PLCG2: variants seen among roughly 807,000 people sequenced by gnomAD.
PLCG2 encodes the protein phospholipase C gamma 2.
PLCG2 carries 69 observed loss-of-function variants against 175.6 expected under a neutral mutation model. The observed-to-expected ratio is 0.39, with a 90% CI of 0.32 to 0.48. The LOEUF is 0.48. Ranked by LOEUF, PLCG2 falls within the 20% of genes least tolerant of loss-of-function variation. The pLI is 0.91. For missense variants in PLCG2, 1,798 were observed against 1,650.9 expected (o/e 1.09, Z -1.54); for synonymous variants, 827 against 624.0 (o/e 1.33, Z -4.85).
intron 1 of PLCG2, among the ~76,000 whole-genome samples, chr16:81,744,646 C>A (rs1049697141): frequency 1.3e-5 from 2 of 152,100 alleles, no homozygotes; most frequent in African/African-American, 4.8e-5. Context: ...GACCATGGCT[C>A]TCTGCAGCCT....
chr16:81,855,312 C>A (rs1350831433), intron 3 of PLCG2, among the ~76,000 whole-genome samples: 1 of 152,132 alleles, frequency 6.6e-6, no homozygotes, highest in Non-Finnish European at 1.5e-5. Context: ...TGCACACACA[C>A]ATGCACTTTC....
At chr16:81,860,446 C>G (rs1906925177) in intron 5 of PLCG2, among the ~76,000 whole-genome samples, 1 of 151,930 alleles carries the variant, frequency 6.6e-6, no homozygotes, top group Admixed American at 6.6e-5. Flanking sequence ...GTTTGCTGGT[C>G]TAATAGTTTG....
chr16:81,869,015 G>T (rs1277787944), intron 5 of PLCG2, among the ~76,000 whole-genome samples, 199 bp from the exon 6 acceptor site: 2 of 152,262 alleles, frequency 1.3e-5, no homozygotes, highest in Non-Finnish European at 2.9e-5. Context: ...CCATGTCCAT[G>T]GACATTGCTT....
chr16:81,783,101 A>C (rs1156287159), intron 1 of PLCG2: 1 of 480,530 alleles, frequency 2.1e-6, no homozygotes, highest in South Asian at 1.5e-5. Flanking sequence ...AGAACTGAGG[A>C]GCCTGGTCCC....
chr16:81,928,628 C>A lies in PLCG2; in HGVS notation c.2581+4C>A, dbSNP rs374905431. ...GACCTCAATACCTATAACGTCGGTACGTGCACACATCATCTTAGCCTGGAT... is the reference window on the plus strand; with the variant it reads ...GACCTCAATACCTATAACGTCGGTAAGTGCACACATCATCTTAGCCTGGAT... On this transcript the variant is annotated splice_donor_region_variant and intron_variant, in intron 24 of 32. Coordinates refer to ENST00000564138, the MANE Select transcript of PLCG2 (RefSeq NM_002661.5). 1.3e-6 allele frequency: 2 copies of A among 1,584,412 alleles called. No individual in the cohort carries two copies. Among genetic ancestry groups the A allele is most frequent in the Non-Finnish European group, 1.7e-6 (2 of 1,152,950 alleles).
intron 2 of PLCG2, among the ~76,000 whole-genome samples, chr16:81,826,683 C>G (rs979285199): frequency 6.6e-6 from 1 of 152,140 alleles, no homozygotes; most frequent in African/African-American, 2.4e-5. Context: ...AACCTCTGTC[C>G]TTGGCGCTTT....
chr16:81,821,128 A>G (rs2143335785), intron 2 of PLCG2, among the ~76,000 whole-genome samples: 1 of 152,320 alleles, frequency 6.6e-6, no homozygotes, highest in South Asian at 2.1e-4. Context: ...CTGATGTCAA[A>G]TGATCTGCCC....
chr16:81,778,670 T>A (rs4500720), upstream of PLCG2, among the ~76,000 whole-genome samples: 12 of 152,048 alleles, frequency 7.9e-5, no homozygotes, highest in Middle Eastern at 3.4e-3. Context: ...ATGGGGAAAC[T>A]GAGGCTGTCG....
chr16:81,825,053 A>G (rs372482288), intron 2 of PLCG2, among the ~76,000 whole-genome samples: 18 of 152,290 alleles, frequency 1.2e-4, no homozygotes, highest in East Asian at 9.6e-4. Context: ...CAATGGGTGG[A>G]TTCCCCCTTG....
At chr16:81,739,511 C>G (rs1200657151) in intron 1 of PLCG2, 2 of 152,226 alleles carry the variant, frequency 1.3e-5, no homozygotes, top group Non-Finnish European at 2.9e-5. Flanking sequence ...TGAAGACAGG[C>G]TTTGTGCTGA....
At chr16:81,781,413 G>GT (rs71146046) in intron 1 of PLCG2, among the ~76,000 whole-genome samples, 121,377 of 150,240 alleles carry the variant, frequency 0.81, 49,128 homozygotes, top group South Asian at 0.92. Flanking sequence ...GTTGTTTTCT[G>GT]TTTTTTTTTC....
rs533000085 is a variant in PLCG2, at chr16:81,783,640, C to T, written c.-47-2303C>T. On this transcript the variant is annotated intron_variant, in intron 1 of 32. Transcript: ENST00000564138. ...TTTCAGTTTTCCGCTGCCGTATTTC[C>T]CATTGAGATAAATGAGACGAACCAG... Among the ~76,000 whole-genome samples, 16 of 152,250 alleles carry T rather than the reference C, an allele frequency of 1.1e-4. No homozygotes were observed. The South Asian group carries it at 3.1e-3, about 30-fold the overall frequency.
In PLCG2 at chr16:81,896,365, A is replaced by AAC. The variant is rs57375866; in HGVS notation, c.1193+498_1193+499dup. 1.8e-3 allele frequency among the ~76,000 whole-genome samples: 221 copies of AAC among 121,150 alleles called. 1 individual carries two copies. The highest frequency in any genetic ancestry group is 6.7e-3 in the African/African-American group (200 of 30,066). The allele number at this position is 121,150 out of a possible 152,430, so 79.5% of individuals were successfully genotyped here. On this transcript the variant is annotated intron_variant, in intron 13 of 32. Coordinates refer to ENST00000564138, the MANE Select transcript of PLCG2 (RefSeq NM_002661.5). ...CATGGTGAAACCCCTTCTCTACCAA[A>AAC]ACACACACACACACACACACACACA...
chr16:81,805,914 A>G (rs1163467097), intron 2 of PLCG2, among the ~76,000 whole-genome samples: 1 of 151,150 alleles, frequency 6.6e-6, no homozygotes, highest in African/African-American at 2.4e-5. Flanking sequence ...AGCTGGGATT[A>G]CAGGTGTGAG....
At chr16:81,789,430 C>T (rs771678100) in intron 2 of PLCG2, among the ~76,000 whole-genome samples, 64 of 152,288 alleles carry the variant, frequency 4.2e-4, no homozygotes, top group Non-Finnish European at 6.9e-4. Flanking sequence ...GCTGAGACTA[C>T]AGGTGAGTGC....
chr16:81,907,822 G>A (rs370686634), intron 16 of PLCG2, 48 bp downstream of exon 16: 15 of 1,424,550 alleles, frequency 1.1e-5, no homozygotes, highest in South Asian at 2.3e-5. Context: ...CAGGAACCCC[G>A]AGGACCAGCC....
At chr16:81,866,731 G>A (rs963901786) in intron 5 of PLCG2, among the ~76,000 whole-genome samples, 2 of 150,132 alleles carry the variant, frequency 1.3e-5, no homozygotes, top group African/African-American at 2.5e-5. Context: ...CAGCATGAGA[G>A]GACACTGGCC....
intron 31 of PLCG2, among the ~76,000 whole-genome samples, chr16:81,951,647 A>T (rs1911370725): frequency 6.6e-6 from 1 of 152,240 alleles, no homozygotes; most frequent in Admixed American, 6.5e-5. Flanking sequence ...TCAGCCGTAG[A>T]CCAATGTCAT....
At chr16:81,935,819 C>G in intron 26 of PLCG2, 1 of 985,296 alleles carries the variant, frequency 1.0e-6, no homozygotes, top group Non-Finnish European at 1.2e-6. Context: ...CTTCCCCTCC[C>G]AAGATCTTCT....
Sources: allele counts gnomAD v4.1 joint callset (sites outside exome capture counted in the v4.1 genomes callset), GRCh38; gene constraint gnomAD v4.1.1; transcripts MANE v1.5; gene names NCBI Gene and HGNC (gene_info 2026-07-23, HGNC 2026-07-21).